Variants in KPNA7 observed in about 807,000 individuals in gnomAD.
KPNA7 encodes importin subunit alpha-8.
Under a neutral mutation model 53.7 loss-of-function variants are expected in KPNA7, and 54 were observed. The ratio of observed to expected loss-of-function variants is 1.01; its 90% CI spans 0.81 to 1.26. The LOEUF is 1.26. Among genes scored for constraint, KPNA7 ranks in the 50% most tolerant of loss-of-function variants. The pLI is 0.00. For missense variants in KPNA7, 640 were observed against 644.5 expected, an observed-to-expected ratio of 0.99 and a Z score of 0.07; for synonymous variants, 276 against 259.3, an observed-to-expected ratio of 1.06 and a Z score of -0.62.
At chr7:99,185,909 C>T (rs1382555788) in intron 7 of KPNA7, among the ~76,000 whole-genome samples, 1 of 152,090 alleles carries the variant, frequency 6.6e-6, no homozygotes, top group East Asian at 1.9e-4. Context: ...TCTCCTGCCT[C>T]AGCCTCCTGA....
At chr7:99,192,750 C>T (rs746479256) in intron 6 of KPNA7, among the ~76,000 whole-genome samples, 8 of 152,122 alleles carry the variant, frequency 5.3e-5, no homozygotes, top group South Asian at 2.1e-4. Flanking sequence ...AGGCAGCAGC[C>T]ACATGATCTA....
chr7:99,208,179 T>G (rs186826829), upstream of KPNA7, among the ~76,000 whole-genome samples: 1 of 151,828 alleles, frequency 6.6e-6, no homozygotes, highest in African/African-American at 2.4e-5. Context: ...TGGACTCAAG[T>G]GATTCACCCA....
At chr7:99,214,543 G>T (rs1195955321) in intron 1 of KPNA7, among the ~76,000 whole-genome samples, 1 of 146,264 alleles carries the variant, frequency 6.8e-6, no homozygotes, top group Non-Finnish European at 1.5e-5. Context: ...AGGGAGAATC[G>T]CTTGAGCCCA....
intron 3 of KPNA7, among the ~76,000 whole-genome samples, chr7:99,200,861 G>A (rs13247718): frequency 0.079 from 12,058 of 152,118 alleles, 512 homozygotes; most frequent in South Asian, 0.15. Context: ...CTAGCTACTC[G>A]GGAGGCTGAG....
chr7:99,197,784 A>C (rs113488214), intron 3 of KPNA7, among the ~76,000 whole-genome samples: 3,249 of 152,288 alleles, frequency 0.021, 114 homozygotes, highest in African/African-American at 0.073. Context: ...CAGTCTGAGG[A>C]AGATAACACA....
chr7:99,215,102 G>A (rs1445868157), intron 1 of KPNA7, among the ~76,000 whole-genome samples: 2 of 151,890 alleles, frequency 1.3e-5, no homozygotes, highest in Non-Finnish European at 2.9e-5. Context: ...AACTCGGCGC[G>A]GTGGCTCATG....
At chr7:99,160,191 A>AT in the KPNA7 span, among the ~76,000 whole-genome samples, 93 of 151,068 alleles carry the variant, frequency 6.2e-4, no homozygotes, top group African/African-American at 2.2e-3. Flanking sequence ...TGCTAGGCTA[A>AT]TTTTTTTTGT....
chr7:99,176,073 C>T (rs1297773145), intron 10 of KPNA7, among the ~76,000 whole-genome samples: 1 of 151,500 alleles, frequency 6.6e-6, no homozygotes, highest in South Asian at 2.1e-4. Flanking sequence ...CCGAGGCAGG[C>T]GGATCACGAG....
Position 99,188,446 on chromosome 7 carries a change from G to A in KPNA7, c.754C>T (p.His252Tyr). 1.3e-6 allele frequency: 2 copies of A among 1,551,702 alleles called. No individual in the cohort carries two copies. The highest frequency in any genetic ancestry group is 1.7e-6 in the Non-Finnish European group (2 of 1,147,002). ...ILPALLHLLQ[H>Y]QDSEVLSDAC... ...TCCGAGAGAACCTCACTGTCCTGGT[G>A]CTGCAGGAGGTGAAGGAGGGCCGGC... The change falls in exon 7 of 11, where the codon CAC (histidine) becomes TAC (tyrosine). Residue 252 changes from histidine to tyrosine, a missense_variant. Physicochemically the swap from His to Tyr is moderately conservative, Grantham distance 83 (BLOSUM62 2). Transcript: ENST00000327442.
chr7:99,169,613 T>C (rs1241051956), downstream of KPNA7, among the ~76,000 whole-genome samples: 20 of 151,714 alleles, frequency 1.3e-4, no homozygotes. Context: ...CATGATTCCA[T>C]CTCAAAAATA....
At chr7:99,194,295 T>C (rs1318690445) in intron 5 of KPNA7, among the ~76,000 whole-genome samples, 1 of 152,218 alleles carries the variant, frequency 6.6e-6, no homozygotes, top group Non-Finnish European at 1.5e-5. Flanking sequence ...AGTCTGAGGA[T>C]TCCACTTTCA....
intron 7 of KPNA7, 66 bp from the exon 8 acceptor site, chr7:99,185,228 C>CAA: frequency 2.6e-6 from 3 of 1,132,300 alleles, no homozygotes; most frequent in Non-Finnish European, 3.9e-6. Context: ...ACAATCACAC[C>CAA]AAGTTCTGTT....
At chr7:99,177,830 C>G (rs17161599) in intron 10 of KPNA7, 90 bp downstream of exon 10, 6 of 1,366,542 alleles carry the variant, frequency 4.4e-6, no homozygotes, top group African/African-American at 2.9e-5. Flanking sequence ...ACCTGCCACA[C>G]GCAACAGCCC....
chr7:99,187,828 A>T (rs868639994), intron 7 of KPNA7, among the ~76,000 whole-genome samples: 16 of 93,178 alleles, frequency 1.7e-4, no homozygotes, highest in African/African-American at 3.6e-4. Context: ...AAAAAAAAAA[A>T]AAAAAAACCC....
chr7:99,182,210 G>A, intron 8 of KPNA7, 145 bp from the exon 9 acceptor site: 1 of 589,690 alleles, frequency 1.7e-6, no homozygotes. Context: ...CCTGCCTCTA[G>A]CTCTTTCTTT....
the KPNA7 span, among the ~76,000 whole-genome samples, chr7:99,146,671 C>T: frequency 7.8e-6 from 1 of 128,888 alleles, no homozygotes; most frequent in Non-Finnish European, 1.6e-5. Flanking sequence ...GAGATTGTGC[C>T]ACTGCACTTC....
intron 7 of KPNA7, among the ~76,000 whole-genome samples, chr7:99,186,823 A>C (rs1289008229): frequency 1.3e-5 from 2 of 152,154 alleles, no homozygotes; most frequent in African/African-American, 4.8e-5. Context: ...AAACCAACTC[A>C]ACATCTGAGA....
intron 1 of KPNA7, among the ~76,000 whole-genome samples, chr7:99,219,040 C>T (rs1791284789): frequency 6.6e-6 from 1 of 152,270 alleles, no homozygotes; most frequent in African/African-American, 2.4e-5. Flanking sequence ...CCCTTGGCCC[C>T]ACCTCACAGG....
the KPNA7 span, among the ~76,000 whole-genome samples, chr7:99,164,680 C>CA: frequency 6.6e-6 from 1 of 151,676 alleles, no homozygotes; most frequent in South Asian, 2.1e-4. Flanking sequence ...CACCTAAGAC[C>CA]AAAAAGGAGG....
Sources: gnomAD v4.1 joint callset for allele counts (sites outside exome capture counted in the v4.1 genomes callset) on GRCh38, gnomAD v4.1.1 for gene constraint, MANE v1.5 for transcripts, NCBI Gene and HGNC (gene_info 2026-07-23, HGNC 2026-07-21) for gene names.